Variants in C8orf34 observed in about 807,000 individuals in gnomAD.
The protein encoded by C8orf34 is uncharacterized protein C8orf34.
C8orf34 carries 65 observed loss-of-function variants against 68.3 expected under a neutral mutation model. The observed-to-expected ratio is 0.95, with a 90% CI of 0.78 to 1.17. C8orf34 has a LOEUF of 1.17. Among genes scored for constraint, C8orf34 ranks in the 50% most tolerant of loss-of-function variants. The probability of loss-of-function intolerance (pLI) is 0.00; values close to 1 mark genes in which losing one functional copy is unlikely to be tolerated. For missense variants in C8orf34, 664 were observed against 655.4 expected, an observed-to-expected ratio of 1.01 and a Z score of -0.14; for synonymous variants, 244 against 241.2, an observed-to-expected ratio of 1.01 and a Z score of -0.11.
At chr8:68,725,026 C>T (rs1821787383) in intron 10 of C8orf34, among the ~76,000 whole-genome samples, 2 of 151,872 alleles carry the variant, frequency 1.3e-5, no homozygotes, top group South Asian at 4.2e-4. Flanking sequence ...CACCAACACA[C>T]CTGGCAAAAT....
At chr8:68,538,304 C>T (rs1466252438) in intron 7 of C8orf34, among the ~76,000 whole-genome samples, 1 of 152,108 alleles carries the variant, frequency 6.6e-6, no homozygotes, top group East Asian at 1.9e-4. Context: ...AAAGCACCAG[C>T]TTATACTCTA....
At chr8:68,452,096 C>A (rs1811369429) in intron 3 of C8orf34, among the ~76,000 whole-genome samples, 1 of 151,936 alleles carries the variant, frequency 6.6e-6, no homozygotes, top group African/African-American at 2.4e-5. Flanking sequence ...GGTTAAACCA[C>A]ATTTTGTTTA....
At chr8:68,468,474 A>G (rs1812240654) in intron 3 of C8orf34, among the ~76,000 whole-genome samples, 1 of 152,000 alleles carries the variant, frequency 6.6e-6, no homozygotes, top group African/African-American at 2.4e-5. Context: ...TTTTTTCTAT[A>G]AACTCCACCA....
chr8:68,334,010 C>G (rs896847983), intron 1 of C8orf34, among the ~76,000 whole-genome samples: 1 of 152,116 alleles, frequency 6.6e-6, no homozygotes, highest in Non-Finnish European at 1.5e-5. Context: ...TTTTTTAAAA[C>G]AATAGCAAAA....
intron 10 of C8orf34, among the ~76,000 whole-genome samples, chr8:68,753,665 C>A (rs1204298828): frequency 6.6e-6 from 1 of 152,154 alleles, no homozygotes; most frequent in East Asian, 1.9e-4. Context: ...AGGAGTCCAG[C>A]CTCAGTTACA....
chr8:68,462,468 C>A (rs1413664941), intron 3 of C8orf34, among the ~76,000 whole-genome samples: 11 of 151,420 alleles, frequency 7.3e-5, no homozygotes, highest in East Asian at 3.9e-4. Flanking sequence ...AACTCTCCAC[C>A]CCAAATCAAC....
At chr8:68,344,774 A>AG (rs1806211913) in intron 1 of C8orf34, among the ~76,000 whole-genome samples, 1 of 152,136 alleles carries the variant, frequency 6.6e-6, no homozygotes, top group African/African-American at 2.4e-5. Flanking sequence ...GATTGGATAA[A>AG]GATAAAGAAG....
Position 68,736,909 on chromosome 8 carries a change from G to T in C8orf34, c.1404+15472G>T, listed in dbSNP as rs188372338. 7.2e-5 allele frequency among the ~76,000 whole-genome samples: 11 copies of T among 152,180 alleles called. No individual in the cohort carries two copies. In the East Asian group the frequency reaches 2.1e-3, roughly 29 times the overall value. On this transcript the variant is annotated intron_variant, in intron 10 of 13. Coordinates refer to ENST00000518698, the MANE Select transcript of C8orf34 (RefSeq NM_052958.4). Reference sequence around the variant, plus strand: ...CCAATTATTAGGCTGAGGTTATTGGGTAATGTGGATCTGAGTAATTTTCAT... The same window carrying T: ...CCAATTATTAGGCTGAGGTTATTGGTTAATGTGGATCTGAGTAATTTTCAT...
chr8:68,650,376 T>C (rs1221680748), intron 8 of C8orf34, among the ~76,000 whole-genome samples: 1 of 151,954 alleles, frequency 6.6e-6, no homozygotes, highest in Non-Finnish European at 1.5e-5. Context: ...TATAAATGAG[T>C]TTGAGGGGGC....
chr8:68,504,419 C>T (rs6988329), intron 5 of C8orf34, among the ~76,000 whole-genome samples: 4,203 of 152,136 alleles, frequency 0.028, 174 homozygotes, highest in African/African-American at 0.089. Context: ...ATGGACATGT[C>T]GTTTCATTTC....
At chr8:68,479,768 G>C (rs1031292689) in intron 4 of C8orf34, among the ~76,000 whole-genome samples, 1 of 152,176 alleles carries the variant, frequency 6.6e-6, no homozygotes, top group African/African-American at 2.4e-5. Flanking sequence ...GAGATGGGTA[G>C]AGGGGCCTGA....
intron 1 of C8orf34, among the ~76,000 whole-genome samples, chr8:68,411,262 T>C (rs760094275): frequency 2.0e-5 from 3 of 152,206 alleles, no homozygotes; most frequent in Non-Finnish European, 4.4e-5. Context: ...ATGAACTGCA[T>C]GGTTTCTAAG....
At chr8:68,388,677 T>C (rs1450532997) in intron 1 of C8orf34, among the ~76,000 whole-genome samples, 1 of 152,174 alleles carries the variant, frequency 6.6e-6, no homozygotes, top group Non-Finnish European at 1.5e-5. Context: ...ATTCATCAAG[T>C]TACTTTTGTA....
intron 8 of C8orf34, among the ~76,000 whole-genome samples, chr8:68,658,754 A>T: frequency 6.6e-6 from 1 of 152,166 alleles, no homozygotes; most frequent in East Asian, 1.9e-4. Flanking sequence ...TAACCAAATT[A>T]TCCCTTTATG....
chr8:68,623,338 A>T (rs920538002), intron 7 of C8orf34, among the ~76,000 whole-genome samples: 4 of 152,142 alleles, frequency 2.6e-5, no homozygotes, highest in Non-Finnish European at 4.4e-5. Flanking sequence ...AGCACCGTTT[A>T]CATTTTAGGC....
chr8:68,370,030 G>C (rs974067156), intron 1 of C8orf34, among the ~76,000 whole-genome samples: 7 of 152,100 alleles, frequency 4.6e-5, no homozygotes, highest in African/African-American at 1.7e-4. Context: ...GTGGTGTTAG[G>C]TGGCATAAAT....
At position 68,616,205 on chromosome 8, in the gene C8orf34, C is replaced by A. The variant is rs1226950754; in HGVS notation, c.1106-24171C>A. On this transcript the variant is annotated intron_variant, in intron 7 of 13. Transcript: ENST00000518698. Reference sequence around the variant, plus strand: ...TTTTCTTCTTTATTAGTCTTGCTAGCGGTCTATCAATTTTGTTGATCCTTT... The same window carrying A: ...TTTTCTTCTTTATTAGTCTTGCTAGAGGTCTATCAATTTTGTTGATCCTTT... Among the ~76,000 whole-genome samples, 7 of 151,784 alleles carry A rather than the reference C, an allele frequency of 4.6e-5. No homozygotes were observed. In the South Asian group the frequency reaches 1.2e-3, roughly 27 times the overall value.
chr8:68,714,326 G>T (rs925199210), intron 9 of C8orf34, among the ~76,000 whole-genome samples: 1 of 151,878 alleles, frequency 6.6e-6, no homozygotes, highest in Non-Finnish European at 1.5e-5. Flanking sequence ...GCATCCAGAG[G>T]AAGTCAAACT....
intron 8 of C8orf34, among the ~76,000 whole-genome samples, chr8:68,686,002 A>C (rs1468412274): frequency 6.6e-6 from 1 of 152,114 alleles, no homozygotes; most frequent in Admixed American, 6.6e-5. Context: ...GACTACTATG[A>C]ACACATTTAT....
Sources: gnomAD v4.1 joint callset for allele counts (sites outside exome capture counted in the v4.1 genomes callset) on GRCh38, gnomAD v4.1.1 for gene constraint, MANE v1.5 for transcripts, NCBI Gene and HGNC (gene_info 2026-07-23, HGNC 2026-07-21) for gene names.